Variants in ZNF423 observed in about 807,000 individuals in gnomAD.
ZNF423 encodes the protein Ebf-associated zinc finger protein.
ZNF423 carries 12 observed loss-of-function variants against 95.8 expected under a neutral mutation model. That is an observed-to-expected ratio of 0.13 (90% CI 0.08 to 0.20). ZNF423 has a LOEUF of 0.20. Among genes scored for constraint, ZNF423 ranks in the 10% least tolerant of loss-of-function variants. The pLI, the probability that ZNF423 is intolerant of heterozygous loss-of-function variation, is 1.00. For missense variants in ZNF423, 1,316 were observed against 1,737.1 expected (o/e 0.76, Z 4.31); for synonymous variants, 749 against 711.9 (o/e 1.05, Z -0.83).
At chr16:49,773,330 A>AT (rs1220875541) in intron 2 of ZNF423, among the ~76,000 whole-genome samples, 2 of 152,052 alleles carry the variant, frequency 1.3e-5, no homozygotes, top group Non-Finnish European at 2.9e-5. Context: ...CAAAAAAAAA[A>AT]CAAAAAGCAA....
chr16:49,567,923 T>G (rs1194528517), intron 5 of ZNF423, among the ~76,000 whole-genome samples: 3 of 152,186 alleles, frequency 2.0e-5, no homozygotes, highest in Non-Finnish European at 4.4e-5. Flanking sequence ...GGACCTTGTT[T>G]TTATTCCCGC....
intron 3 of ZNF423, chr16:49,711,188 G>A (rs1276397997): frequency 6.6e-6 from 1 of 152,226 alleles, no homozygotes; most frequent in Non-Finnish European, 1.5e-5. Context: ...GAAGGTTACA[G>A]AGGCTGGGCC....
chr16:49,653,838 C>G (rs986120964), intron 3 of ZNF423, among the ~76,000 whole-genome samples: 1 of 152,198 alleles, frequency 6.6e-6, no homozygotes, highest in Admixed American at 6.5e-5. Context: ...CAGGGCACTA[C>G]CTGTTTATAT....
intron 2 of ZNF423, among the ~76,000 whole-genome samples, chr16:49,761,128 G>T (rs1041412511): frequency 4.6e-5 from 7 of 152,088 alleles, no homozygotes; most frequent in African/African-American, 1.7e-4. Context: ...CCTGAGAGAG[G>T]TTCAGCCCAG....
chr16:49,612,221 T>C (rs1156445202), intron 5 of ZNF423, among the ~76,000 whole-genome samples: 8 of 151,624 alleles, frequency 5.3e-5, no homozygotes, highest in Non-Finnish European at 1.0e-4. Flanking sequence ...TAAACACAGA[T>C]ACAAAAATCC....
At chr16:49,816,968 G>A (rs1244773354) in intron 1 of ZNF423, among the ~76,000 whole-genome samples, 2 of 152,192 alleles carry the variant, frequency 1.3e-5, no homozygotes, top group African/African-American at 2.4e-5. Flanking sequence ...ACAGTTGACT[G>A]CAAAGGCTTT....
chr16:49,602,978 G>A (rs1194746990), intron 5 of ZNF423, among the ~76,000 whole-genome samples: 2 of 152,246 alleles, frequency 1.3e-5, no homozygotes, highest in Non-Finnish European at 2.9e-5. Context: ...CCCCAGCAGC[G>A]CCCGCGTGGA....
chr16:49,682,981 C>T (rs1264899529), intron 3 of ZNF423, among the ~76,000 whole-genome samples: 1 of 152,188 alleles, frequency 6.6e-6, no homozygotes, highest in Non-Finnish European at 1.5e-5. Context: ...AGCCTCAGGG[C>T]TGAGGGAGCC....
At chr16:49,846,540 G>T (rs1007668523) in intron 1 of ZNF423, among the ~76,000 whole-genome samples, 1 of 152,160 alleles carries the variant, frequency 6.6e-6, no homozygotes, top group Non-Finnish European at 1.5e-5. Context: ...GCTGGCCAGC[G>T]TCTCCCTAAG....
At chr16:49,704,040 A>C (rs1464411336) in intron 3 of ZNF423, among the ~76,000 whole-genome samples, 1 of 152,196 alleles carries the variant, frequency 6.6e-6, no homozygotes, top group Non-Finnish European at 1.5e-5. Flanking sequence ...TTTCCCCTTC[A>C]GAGTGGACTT....
chr16:49,769,519 CACA>C (rs1244631029), intron 2 of ZNF423, among the ~76,000 whole-genome samples: 3 of 152,092 alleles, frequency 2.0e-5, no homozygotes, highest in Admixed American at 6.5e-5. Flanking sequence ...CTTCCCCACA[CACA>C]ACTAGAGGGA....
chr16:49,677,643 A>G (rs968498100), intron 3 of ZNF423, among the ~76,000 whole-genome samples: 23 of 151,694 alleles, frequency 1.5e-4, no homozygotes, highest in Non-Finnish European at 7.4e-5. Context: ...AAAAGTAGCT[A>G]CTAGGGAGGC....
chr16:49,574,453 T>G (rs1348449729), intron 5 of ZNF423, among the ~76,000 whole-genome samples: 1 of 152,224 alleles, frequency 6.6e-6, no homozygotes, highest in Admixed American at 6.5e-5. Flanking sequence ...GCTGGGAATT[T>G]GCATTTCTAG....
At chr16:49,530,765 A>G (rs1346591403) in intron 5 of ZNF423, among the ~76,000 whole-genome samples, 1 of 152,146 alleles carries the variant, frequency 6.6e-6, no homozygotes, top group Non-Finnish European at 1.5e-5. Context: ...AGGCTCCCTC[A>G]GCTGACAGAA....
At chr16:49,815,893 T>A (rs1241813426) in intron 1 of ZNF423, among the ~76,000 whole-genome samples, 13 of 45,818 alleles carry the variant, frequency 2.8e-4, no homozygotes, top group Non-Finnish European at 4.3e-4. Context: ...TATATATATA[T>A]ATATATATAT....
intron 2 of ZNF423, among the ~76,000 whole-genome samples, chr16:49,756,792 T>G (rs569715650): frequency 6.6e-6 from 1 of 152,174 alleles, no homozygotes; most frequent in African/African-American, 2.4e-5. Context: ...CCATGATGAG[T>G]TCGGACACTT....
At chr16:49,684,843 G>C (rs2031500427) in intron 3 of ZNF423, among the ~76,000 whole-genome samples, 1 of 152,212 alleles carries the variant, frequency 6.6e-6, no homozygotes, top group Non-Finnish European at 1.5e-5. Context: ...AAATGAGGGG[G>C]CCCTGACACG....
chr16:49,501,273 CT>C (rs1018752699), intron 7 of ZNF423, among the ~76,000 whole-genome samples: 1 of 152,212 alleles, frequency 6.6e-6, no homozygotes, highest in Non-Finnish European at 1.5e-5. Context: ...AGAACTCAAA[CT>C]TTGTCAAGAA....
intron 7 of ZNF423, among the ~76,000 whole-genome samples, chr16:49,520,824 G>A (rs1371520261): frequency 6.6e-6 from 1 of 152,116 alleles, no homozygotes; most frequent in East Asian, 1.9e-4. Flanking sequence ...TCTCAAAAAC[G>A]AGAAAATTGC....
Sources: gnomAD v4.1 joint callset for allele counts (sites outside exome capture counted in the v4.1 genomes callset) on GRCh38, gnomAD v4.1.1 for gene constraint, MANE v1.5 for transcripts, NCBI Gene and HGNC (gene_info 2026-07-23, HGNC 2026-07-21) for gene names.